The following PHF19 variants were observed in gnomAD, a reference collection of about 807,000 sequenced individuals.
PHF19 encodes PHD finger protein 19.
PHF19 carries 21 observed loss-of-function variants against 79.8 expected under a neutral mutation model. The observed-to-expected ratio is 0.26, with a 90% confidence interval of 0.19 to 0.38. The LOEUF (loss-of-function observed/expected upper bound fraction) is 0.38. Ranked by LOEUF, PHF19 falls within the 10% of genes least tolerant of loss-of-function variation. PHF19 has a pLI of 1.00. For missense variants in PHF19, 445 were observed against 744.2 expected (o/e 0.60, Z 4.68); for synonymous variants, 273 against 296.3 (o/e 0.92, Z 0.81).
chr9:120,894,093 C>A (rs948864982), intron 1 of PHF19, among the ~76,000 whole-genome samples: 2 of 152,190 alleles, frequency 1.3e-5, no homozygotes, highest in East Asian at 1.9e-4. Flanking sequence ...TCATTTGGAA[C>A]CTGTCACCTC....
upstream of PHF19, among the ~76,000 whole-genome samples, chr9:120,878,988 G>A (rs762642948): frequency 2.0e-5 from 3 of 152,224 alleles, no homozygotes; most frequent in African/African-American, 4.8e-5. Flanking sequence ...ATAGAGCGAA[G>A]TGCTCACCTC....
intron 13 of PHF19, 85 bp downstream of exon 13, chr9:120,861,004 A>G (rs2131487121): frequency 1.2e-6 from 1 of 819,484 alleles, no homozygotes; most frequent in East Asian, 2.4e-5. Flanking sequence ...CACAGCAGGG[A>G]TCCTTTTAAC....
chr9:120,883,834 G>C (rs1485146425), intron 1 of PHF19, among the ~76,000 whole-genome samples: 2 of 151,622 alleles, frequency 1.3e-5, no homozygotes, highest in African/African-American at 4.8e-5. Context: ...CAGACAGATT[G>C]ATAGATAATT....
chr9:120,880,892 T>C (rs10818480), upstream of PHF19, among the ~76,000 whole-genome samples: 104,251 of 151,912 alleles, frequency 0.69, 36,027 homozygotes, highest in Middle Eastern at 0.8. Flanking sequence ...CCCAGGAGTT[T>C]GAGGCCACAG....
the PHF19 span, among the ~76,000 whole-genome samples, chr9:120,900,257 G>C: frequency 6.6e-6 from 1 of 152,216 alleles, no homozygotes; most frequent in Non-Finnish European, 1.5e-5. Context: ...AAAGTGCTGG[G>C]ATTACAGGCG....
chr9:120,877,530 A>G (rs1291195464), upstream of PHF19, among the ~76,000 whole-genome samples: 1 of 151,468 alleles, frequency 6.6e-6, no homozygotes, highest in Non-Finnish European at 1.5e-5. Flanking sequence ...CGCGGCGCAC[A>G]CGGAGACGCC....
intron 1 of PHF19, among the ~76,000 whole-genome samples, chr9:120,883,140 A>G (rs1014996616): frequency 2.6e-5 from 4 of 152,172 alleles, no homozygotes; most frequent in Middle Eastern, 3.2e-3. Context: ...CTGCCAAACT[A>G]TAAACACCTT....
chr9:120,893,507 T>TA (rs1450839812), intron 1 of PHF19, among the ~76,000 whole-genome samples: 1 of 152,246 alleles, frequency 6.6e-6, no homozygotes, highest in Non-Finnish European at 1.5e-5. Flanking sequence ...CCTAGCCCTG[T>TA]ACATTCCCTT....
chr9:120,891,236 G>C lies in PHF19; in HGVS notation c.42+3552C>G, dbSNP rs993968350. On this transcript the variant is annotated intron_variant, in intron 1 of 14. Transcript: ENST00000616568. This position sits in a 1 kb window ranked among gnomAD's most constrained non-coding sequence, Gnocchi z 4.3. ...ATCCATTTACTCATCTGCCTCTCCC[G>C]CCCTCTTCCCTTCTCTCCCCTCCTC... 6.6e-6 allele frequency among the ~76,000 whole-genome samples: 1 copy of C among 150,706 alleles called. No homozygotes were observed. The highest frequency in any genetic ancestry group is 2.0e-4 in the East Asian group (1 of 5,112).
chr9:120,898,478 C>T (rs535395279), upstream of PHF19, among the ~76,000 whole-genome samples: 1 of 152,330 alleles, frequency 6.6e-6, no homozygotes, highest in Admixed American at 6.5e-5. Context: ...GGTCTGTTAT[C>T]AGTATTGTGA....
upstream of PHF19, among the ~76,000 whole-genome samples, chr9:120,881,153 T>G (rs74497828): frequency 2.3e-4 from 27 of 118,674 alleles, no homozygotes; most frequent in East Asian, 5.2e-4. Context: ...GGGTTTGTTT[T>G]TTTTTTTTTT....
intron 1 of PHF19, among the ~76,000 whole-genome samples, chr9:120,875,106 T>C (rs2046009694): frequency 6.6e-6 from 1 of 152,160 alleles, no homozygotes; most frequent in Non-Finnish European, 1.5e-5. Context: ...TTTTATTCCT[T>C]AAGCAAACAC....
intron 12 of PHF19, among the ~76,000 whole-genome samples, chr9:120,861,425 T>C (rs1205337932): frequency 6.6e-6 from 1 of 152,204 alleles, no homozygotes; most frequent in Non-Finnish European, 1.5e-5. Flanking sequence ...ATGGGGACAA[T>C]AACCCCTGCC....
chr9:120,861,198 G>A (rs1368448357), intron 12 of PHF19, 24 bp from the exon 13 acceptor site: 1 of 1,365,814 alleles, frequency 7.3e-7, no homozygotes, highest in Non-Finnish European at 1.0e-6. Flanking sequence ...AAGGAGAGAG[G>A]AAGGGTCAGA....
At chr9:120,901,685 G>A in the PHF19 span, among the ~76,000 whole-genome samples, 15 of 152,184 alleles carry the variant, frequency 9.9e-5, no homozygotes, top group African/African-American at 3.6e-4. Flanking sequence ...AACCAAGTAA[G>A]GAGTGCACCT....
At chr9:120,897,847 T>G (rs2046414665), upstream of PHF19, among the ~76,000 whole-genome samples, 1 of 151,550 alleles carries the variant, frequency 6.6e-6, no homozygotes, top group Non-Finnish European at 1.5e-5. Context: ...GGTGTGGTGG[T>G]GGGCCCCTGT....
chr9:120,893,634 GATGCACGCATGCTTTAGAAAGCACACGTC>G (rs1489044966), intron 1 of PHF19, among the ~76,000 whole-genome samples: 1 of 152,222 alleles, frequency 6.6e-6, no homozygotes, highest in Non-Finnish European at 1.5e-5. Context: ...TTGCTTGACA[GATGCACGCATGCTTTAGAAAGCACACGTC>G]ATGCAGTGCA....
In PHF19 at chr9:120,866,004, T is replaced by A; in HGVS notation, c.779+24A>T. 1 of 1,601,390 alleles carries A rather than the reference T, an allele frequency of 6.2e-7. No individual in the cohort carries two copies. The highest frequency in any genetic ancestry group is 8.6e-7 in the Non-Finnish European group (1 of 1,168,788). On this transcript the variant is annotated intron_variant, in intron 8 of 14. Coordinates refer to ENST00000373896, the MANE Select transcript of PHF19 (RefSeq NM_015651.3). This position sits in a 1 kb window ranked among gnomAD's most constrained non-coding sequence, Gnocchi z 5.2. ...GAGAAGCTGGGAGGAGCAGCGGTGG[T>A]TGGACTAAGCCCCACCCTCTCACCA...
chr9:120,893,979 A>T (rs2046372992), intron 1 of PHF19, among the ~76,000 whole-genome samples: 1 of 152,172 alleles, frequency 6.6e-6, no homozygotes, highest in South Asian at 2.1e-4. Flanking sequence ...TCACTCCAGA[A>T]CTACTGACTC....
Sources: allele counts gnomAD v4.1 joint callset (sites outside exome capture counted in the v4.1 genomes callset), GRCh38; gene constraint gnomAD v4.1.1; non-coding constraint Gnocchi (gnomAD v3.1); transcripts MANE v1.5; gene names NCBI Gene and HGNC (gene_info 2026-07-23, HGNC 2026-07-21).